PTH2R: variants seen among roughly 807,000 people sequenced by gnomAD.
PTH2R encodes the protein PTH2 receptor.
In PTH2R, 59 loss-of-function variants were observed where a neutral mutation model predicts 60.3. The observed-to-expected ratio is 0.98, with a 90% CI of 0.79 to 1.22. The LOEUF (loss-of-function observed/expected upper bound fraction) is 1.22, where lower values mean the gene tolerates loss of function less well. Among genes scored for constraint, PTH2R ranks in the 50% most tolerant of loss-of-function variants. The pLI is 0.00. For missense variants in PTH2R, 749 were observed against 682.6 expected (o/e 1.10, Z -1.08); for synonymous variants, 256 against 243.8 (o/e 1.05, Z -0.47).
intron 9 of PTH2R, among the ~76,000 whole-genome samples, chr2:208,478,747 A>G (rs1703078008): frequency 6.6e-6 from 1 of 152,148 alleles, no homozygotes; most frequent in Non-Finnish European, 1.5e-5. Flanking sequence ...ACCATAGTGC[A>G]GTGGTTAAGG....
At chr2:208,463,458 CTGT>C (rs1054759894) in intron 9 of PTH2R, among the ~76,000 whole-genome samples, 1 of 152,142 alleles carries the variant, frequency 6.6e-6, no homozygotes, top group African/African-American at 2.4e-5. Context: ...CAGGTCTGCC[CTGT>C]TGTTGAGCGT....
At chr2:208,386,025 T>C (rs1416896264) in intron 1 of PTH2R, among the ~76,000 whole-genome samples, 1 of 152,248 alleles carries the variant, frequency 6.6e-6, no homozygotes, top group Non-Finnish European at 1.5e-5. Flanking sequence ...ATTACTGTTC[T>C]CTACTCTTGA....
chr2:208,436,578 G>A (rs1009498022), intron 2 of PTH2R, among the ~76,000 whole-genome samples: 2 of 152,224 alleles, frequency 1.3e-5, no homozygotes, highest in South Asian at 2.1e-4. Context: ...GGTGCCCCAC[G>A]GTTCGGGAAA....
intron 8 of PTH2R, among the ~76,000 whole-genome samples, chr2:208,455,646 G>C (rs1389781519): frequency 6.6e-6 from 1 of 152,170 alleles, no homozygotes; most frequent in Non-Finnish European, 1.5e-5. Flanking sequence ...ATAAAATTCA[G>C]CTTTTCTATA....
At chr2:208,453,903 A>G (rs1350823437) in intron 8 of PTH2R, among the ~76,000 whole-genome samples, 1 of 152,238 alleles carries the variant, frequency 6.6e-6, no homozygotes, top group Non-Finnish European at 1.5e-5. Flanking sequence ...CATTGTGCGT[A>G]AAGAAACAGT....
At chr2:208,486,082 G>A (rs1703267507) in intron 10 of PTH2R, among the ~76,000 whole-genome samples, 1 of 152,120 alleles carries the variant, frequency 6.6e-6, no homozygotes, top group African/African-American at 2.4e-5. Context: ...GAACCCTGAG[G>A]CCCAGATAAG....
intron 12 of PTH2R, among the ~76,000 whole-genome samples, chr2:208,491,772 A>AC (rs1421196524): frequency 1.3e-5 from 2 of 151,262 alleles, no homozygotes; most frequent in Admixed American, 6.6e-5. Context: ...GGTCCATTGT[A>AC]GACTGTGAAG....
chr2:208,385,603 C>T (rs717575), intron 1 of PTH2R, among the ~76,000 whole-genome samples: 4,502 of 152,286 alleles, frequency 0.03, 210 homozygotes, highest in African/African-American at 0.089. Context: ...GAAAATGCTG[C>T]AATTCTATCC....
chr2:208,493,229 G>T, intron 12 of PTH2R, 35 bp from the exon 13 acceptor site: 1 of 1,458,710 alleles, frequency 6.9e-7, no homozygotes, highest in Non-Finnish European at 9.1e-7. Context: ...TCTCCTTTAG[G>T]ATTTCTCATG....
At position 208,444,847 on chromosome 2, in the gene PTH2R, G is replaced by A. The variant is rs369902264; in HGVS notation, c.813G>A (p.Ser271=). The A allele has an allele frequency of 3.2e-4, 518 of 1,613,560 alleles. No individual in the cohort carries two copies. Among genetic ancestry groups the A allele is most frequent in the Non-Finnish European group, 3.7e-4 (437 of 1,179,740 alleles). The change falls in exon 7 of 13, where the codon TCG becomes TCA. Residue 271 remains serine, a synonymous_variant. Transcript: ENST00000272847. The stretch of plus-strand genomic sequence containing the variant: ...ATCTCATCTTTGTGGCTTTCTTTTC[G>A]GACACCAAATACCTGTGGGGCTTCA... ...LHNLIFVAFF[S]DTKYLWGFIL... is the part of the protein sequence containing the mutation.
chr2:208,416,977 T>C (rs1026069474), intron 1 of PTH2R, among the ~76,000 whole-genome samples: 1 of 152,182 alleles, frequency 6.6e-6, no homozygotes, highest in Non-Finnish European at 1.5e-5. Context: ...TATATATATC[T>C]ATTCCATTAG....
At chr2:208,487,097 G>A (rs1490854299) in intron 10 of PTH2R, among the ~76,000 whole-genome samples, 1 of 152,152 alleles carries the variant, frequency 6.6e-6, no homozygotes, top group Non-Finnish European at 1.5e-5. Context: ...ATGATTTTAT[G>A]GGACATTCTA....
At chr2:208,379,618 C>T (rs767963259) in intron 1 of PTH2R, among the ~76,000 whole-genome samples, 8 of 135,546 alleles carry the variant, frequency 5.9e-5, no homozygotes, top group Admixed American at 1.6e-4. Flanking sequence ...CTAGCACTTT[C>T]GGAGGCCCAG....
intron 1 of PTH2R, among the ~76,000 whole-genome samples, chr2:208,424,902 A>G (rs954073046): frequency 1.3e-5 from 2 of 152,218 alleles, no homozygotes; most frequent in African/African-American, 4.8e-5. Context: ...GAAATAATAC[A>G]AAGTAAAACC....
intron 1 of PTH2R, among the ~76,000 whole-genome samples, chr2:208,388,140 C>CCT (rs796602099): frequency 4.0e-5 from 6 of 149,576 alleles, no homozygotes; most frequent in African/African-American, 7.4e-5. Flanking sequence ...AAACCCCCCC[C>CCT]CCCGTCTCTA....
At chr2:208,456,578 TTG>T (rs376223720) in intron 8 of PTH2R, among the ~76,000 whole-genome samples, 6 of 152,274 alleles carry the variant, frequency 3.9e-5, no homozygotes, top group African/African-American at 1.4e-4. Context: ...CTCTTACTGA[TTG>T]TAAGTTGTGG....
intron 1 of PTH2R, among the ~76,000 whole-genome samples, chr2:208,376,513 G>T (rs13015438): frequency 0.033 from 5,058 of 152,082 alleles, 110 homozygotes; most frequent in Middle Eastern, 0.058. Flanking sequence ...AAAATTTTAT[G>T]TTACCACATG....
intron 10 of PTH2R, among the ~76,000 whole-genome samples, chr2:208,486,059 T>C (rs549934793): frequency 3.5e-4 from 53 of 152,284 alleles, no homozygotes; most frequent in African/African-American, 1.2e-3. Flanking sequence ...GCAACCTGAA[T>C]GAACTTAGAA....
chr2:208,407,779 G>A (rs1037209440), intron 1 of PTH2R, among the ~76,000 whole-genome samples: 2 of 152,088 alleles, frequency 1.3e-5, no homozygotes, highest in Admixed American at 1.3e-4. Context: ...TCAAATGTAG[G>A]GTTTACAGTC....
Sources: allele counts gnomAD v4.1 joint callset (sites outside exome capture counted in the v4.1 genomes callset), GRCh38; gene constraint gnomAD v4.1.1; transcripts MANE v1.5; gene names NCBI Gene and HGNC (gene_info 2026-07-23, HGNC 2026-07-21).